The following CDH6 variants were observed in gnomAD, a reference collection of about 807,000 sequenced individuals.
The protein encoded by CDH6 is cadherin-6.
In CDH6, 31 loss-of-function variants were observed where a neutral mutation model predicts 78.0. That is an observed-to-expected ratio of 0.40 (90% confidence interval 0.30 to 0.54). The LOEUF (loss-of-function observed/expected upper bound fraction) is 0.54. Among genes scored for constraint, CDH6 ranks in the 20% least tolerant of loss-of-function variants. The pLI is 0.56. For synonymous variants in CDH6, 376 were observed against 368.8 expected (o/e 1.02, Z -0.23); for missense variants, 724 against 975.9 (o/e 0.74, Z 3.44).
chr5:31,316,085 A>G, intron 8 of CDH6, 123 bp from the exon 9 acceptor site: 2 of 1,023,330 alleles, frequency 2.0e-6, no homozygotes, highest in Non-Finnish European at 2.8e-6. Flanking sequence ...CTTAATGCCC[A>G]GTAGTACAGC....
intron 1 of CDH6, among the ~76,000 whole-genome samples, chr5:31,199,717 C>CA (rs1423706594): frequency 1.7e-5 from 2 of 114,746 alleles, no homozygotes; most frequent in African/African-American, 6.8e-5. Flanking sequence ...ATATATATAT[C>CA]TCAAAGATAA....
chr5:31,248,998 T>C (rs569677554), intron 1 of CDH6, among the ~76,000 whole-genome samples: 1 of 147,104 alleles, frequency 6.8e-6, no homozygotes, highest in Non-Finnish European at 1.5e-5. Flanking sequence ...ATGCAGAGGG[T>C]TTTTTTTCCC....
rs1293286369 is a variant in CDH6, at chr5:31,328,681, G to A, written c.*5373G>A. Reference sequence around the variant, plus strand: ...AAATAAAAGCTTTTTGGTATTGATTGTTTTTAATTAAAAATACTTCCAAGT... The same window carrying A: ...AAATAAAAGCTTTTTGGTATTGATTATTTTTAATTAAAAATACTTCCAAGT... On this transcript the variant is annotated 3_prime_UTR_variant, in exon 12 of 12. Transcript: ENST00000265071. The A allele has an allele frequency of 1.4e-5, 3 of 210,276 alleles. No individual in the cohort carries two copies. In the Admixed American group the frequency reaches 1.8e-4, roughly 12 times the overall value. The allele number at this position is 210,276 out of a possible 1,614,324, so 13.0% of individuals were successfully genotyped here.
At chr5:31,253,224 C>T (rs1741956592) in intron 1 of CDH6, among the ~76,000 whole-genome samples, 1 of 152,126 alleles carries the variant, frequency 6.6e-6, no homozygotes, top group South Asian at 2.1e-4. Context: ...TCCCATAATC[C>T]CCACATGCCG....
At chr5:31,300,986 G>A (rs757259299) in intron 5 of CDH6, among the ~76,000 whole-genome samples, 4 of 152,098 alleles carry the variant, frequency 2.6e-5, no homozygotes, top group East Asian at 1.9e-4. Context: ...AGTCAGGCAC[G>A]ATGGTGTGCA....
chr5:31,256,021 C>A (rs1742044818), intron 1 of CDH6, among the ~76,000 whole-genome samples: 1 of 152,074 alleles, frequency 6.6e-6, no homozygotes, highest in Non-Finnish European at 1.5e-5. Flanking sequence ...GAATCACTAT[C>A]CCTTTTTGCT....
At chr5:31,234,765 A>G (rs763805275) in intron 1 of CDH6, among the ~76,000 whole-genome samples, 1 of 152,198 alleles carries the variant, frequency 6.6e-6, no homozygotes, top group Non-Finnish European at 1.5e-5. Context: ...AGCTCAAATT[A>G]TATACATAAA....
chr5:31,234,804 G>GCATA (rs1741407712), intron 1 of CDH6, among the ~76,000 whole-genome samples: 1 of 152,062 alleles, frequency 6.6e-6, no homozygotes, highest in Non-Finnish European at 1.5e-5. Context: ...TGACACATAT[G>GCATA]CATACATATA....
In CDH6 at chr5:31,288,396, T is replaced by C. The variant is rs144329606; in HGVS notation, c.229-5566T>C. Among the ~76,000 whole-genome samples the C allele has an allele frequency of 6.5e-3, 988 of 152,290 alleles. 13 individuals are homozygous for C. Among genetic ancestry groups the C allele is most frequent in the African/African-American group, 0.023 (940 of 41,570 alleles). On this transcript the variant is annotated intron_variant, in intron 2 of 11. Coordinates refer to ENST00000265071, the MANE Select transcript of CDH6 (RefSeq NM_004932.4). ...TGCACTTTTGATTTACCTAATCCTA[T>C]AATCTCTAAAACAGAAGCAACTCTA...
chr5:31,203,910 T>C (rs12652639), intron 1 of CDH6, among the ~76,000 whole-genome samples: 62,325 of 151,730 alleles, frequency 0.41, 13,420 homozygotes, highest in South Asian at 0.55. Context: ...CCAGCACCTG[T>C]TGTTTCCTGA....
chr5:31,252,934 T>C (rs1741948049), intron 1 of CDH6, among the ~76,000 whole-genome samples: 1 of 152,308 alleles, frequency 6.6e-6, no homozygotes, highest in South Asian at 2.1e-4. Context: ...AATGTAGCAA[T>C]GTGCTAAGTG....
intron 3 of CDH6, among the ~76,000 whole-genome samples, chr5:31,296,508 C>T (rs140056432): frequency 1.2e-4 from 19 of 152,180 alleles, no homozygotes; most frequent in African/African-American, 4.3e-4. Flanking sequence ...ATTGCAGATT[C>T]CAGATGTTTG....
chr5:31,317,720 G>A lies in CDH6; in HGVS notation c.1678G>A (p.Glu560Lys), dbSNP rs375392354. 60 of 1,613,870 alleles carry A rather than the reference G, an allele frequency of 3.7e-5. No individual in the cohort carries two copies. Among genetic ancestry groups the A allele is most frequent in the Non-Finnish European group, 5.0e-5 (59 of 1,179,936 alleles). The change falls in exon 11 of 12, where the codon GAG (glutamate) becomes AAG (lysine). Residue 560 changes from glutamate (E) to lysine (K), a missense_variant. By Grantham distance (56) the Glu-to-Lys change is moderately conservative (BLOSUM62 1). This residue lies in a region of CDH6 where 446 missense variants were observed against 684.5 expected (regional missense o/e 0.65). Coordinates refer to ENST00000265071, the MANE Select transcript of CDH6 (RefSeq NM_004932.4). ...LTRKNGYNRH[E>K]MSTYLLPVVI... ...TCGGAAAAATGGCTATAATAGACAC[G>A]AGATGAGCACCTATCTCTTGCCTGT...
At chr5:31,315,087 T>A (rs1738278524) in intron 8 of CDH6, among the ~76,000 whole-genome samples, 1 of 152,190 alleles carries the variant, frequency 6.6e-6, no homozygotes. Flanking sequence ...TTCACATGGC[T>A]TAAACCTTCT....
chr5:31,194,918 A>G (rs1459066880), intron 1 of CDH6, among the ~76,000 whole-genome samples: 2 of 152,114 alleles, frequency 1.3e-5, no homozygotes, highest in Admixed American at 1.3e-4. Context: ...GCGTGGTGCT[A>G]AGAAGTGTCA....
At chr5:31,289,132 C>T (rs1743088907) in intron 2 of CDH6, among the ~76,000 whole-genome samples, 1 of 152,136 alleles carries the variant, frequency 6.6e-6, no homozygotes, top group South Asian at 2.1e-4. Flanking sequence ...CCCTTCTTCC[C>T]CACTTTGGAG....
rs772276938 is a variant in CDH6, at chr5:31,267,589, A to G, written c.116A>G (p.Glu39Gly). Reference protein sequence around the residue: ...SGFPAKKRALELSGNSKNELN... With the variant: ...SGFPAKKRALGLSGNSKNELN... Reference sequence around the variant, plus strand: ...TTCCCAGCAAAGAAAAGGGCCCTGGAGCTCTCTGGAAACAGCAAAAATGAG... The same window carrying G: ...TTCCCAGCAAAGAAAAGGGCCCTGGGGCTCTCTGGAAACAGCAAAAATGAG... The change falls in exon 2 of 12, where the codon GAG becomes GGG. Residue 39 changes from glutamate (E) to glycine (G), a missense_variant. Glu to Gly is a moderately conservative substitution (Grantham distance 98, BLOSUM62 -2). Transcript: ENST00000265071. 5.0e-6 allele frequency: 8 copies of G among 1,614,080 alleles called. No homozygotes were observed. In the South Asian group the frequency reaches 8.8e-5, roughly 18 times the overall value.
intron 2 of CDH6, among the ~76,000 whole-genome samples, chr5:31,277,771 A>G (rs1742740783): frequency 6.6e-6 from 1 of 152,178 alleles, no homozygotes; most frequent in Admixed American, 6.5e-5. Context: ...ATTTTTGCAC[A>G]TAAAAACAGC....
chr5:31,285,505 C>T (rs566718930), intron 2 of CDH6, among the ~76,000 whole-genome samples: 5 of 152,120 alleles, frequency 3.3e-5, no homozygotes, highest in South Asian at 2.1e-4. Context: ...TTTATTCCAA[C>T]GTAAATGGCA....
Sources: gnomAD v4.1 joint callset for allele counts (sites outside exome capture counted in the v4.1 genomes callset) on GRCh38, gnomAD v4.1.1 for gene constraint, gnomAD v4.1.1 regional missense constraint, MANE v1.5 for transcripts, NCBI Gene and HGNC (gene_info 2026-07-23, HGNC 2026-07-21) for gene names.